DNAJC5B: variants seen among roughly 807,000 people sequenced by gnomAD.
DNAJC5B encodes the protein DnaJ heat shock protein family (Hsp40) member C5 beta.
DNAJC5B carries 23 observed loss-of-function variants against 24.7 expected under a neutral mutation model. The observed-to-expected ratio is 0.93, with a 90% CI of 0.67 to 1.32. The LOEUF (loss-of-function observed/expected upper bound fraction) is 1.32, where lower values mean the gene tolerates loss of function less well. Ranked by LOEUF, DNAJC5B falls within the 40% of genes most tolerant of loss-of-function variation. DNAJC5B has a pLI of 0.00. For missense variants in DNAJC5B, 238 were observed against 240.8 expected (o/e 0.99, Z 0.08); for synonymous variants, 101 against 90.1 (o/e 1.12, Z -0.68).
At chr8:66,023,102 C>T (rs147349148) in intron 1 of DNAJC5B, among the ~76,000 whole-genome samples, 6 of 152,304 alleles carry the variant, frequency 3.9e-5, no homozygotes, top group Non-Finnish European at 8.8e-5. Flanking sequence ...ATCATCCATT[C>T]CACAGCTTCG....
chr8:66,058,875 A>G (rs1807023435), intron 3 of DNAJC5B, among the ~76,000 whole-genome samples: 1 of 152,192 alleles, frequency 6.6e-6, no homozygotes, highest in Non-Finnish European at 1.5e-5. Context: ...TGCCTTATTG[A>G]CATTTTGTGA....
chr8:66,042,426 C>G (rs967251388), intron 1 of DNAJC5B, among the ~76,000 whole-genome samples: 1 of 152,104 alleles, frequency 6.6e-6, no homozygotes, highest in Non-Finnish European at 1.5e-5. Context: ...TCTTATTAGA[C>G]TAAATTTGAA....
intron 3 of DNAJC5B, among the ~76,000 whole-genome samples, chr8:66,073,892 T>TA (rs1807406409): frequency 6.6e-6 from 1 of 152,148 alleles, no homozygotes. Flanking sequence ...TATAGAGAGT[T>TA]TATAGAACAA....
chr8:66,079,584 G>T (rs1158347966), intron 4 of DNAJC5B, among the ~76,000 whole-genome samples: 2 of 152,190 alleles, frequency 1.3e-5, no homozygotes, highest in Non-Finnish European at 2.9e-5. Flanking sequence ...AGAGTTATAA[G>T]GCAATGAAAG....
chr8:66,072,054 TG>T (rs1169966891), intron 3 of DNAJC5B, among the ~76,000 whole-genome samples: 2 of 23,846 alleles, frequency 8.4e-5, no homozygotes, highest in Admixed American at 4.4e-4. Flanking sequence ...TGTCAGGGGG[TG>T]GGGGGGTAGG....
At chr8:66,036,321 C>T (rs1806483531) in intron 1 of DNAJC5B, among the ~76,000 whole-genome samples, 1 of 152,194 alleles carries the variant, frequency 6.6e-6, no homozygotes, top group Admixed American at 6.5e-5. Context: ...CTTGACCTAG[C>T]TGAACAGCGA....
chr8:66,090,121 C>G (rs763269514), intron 5 of DNAJC5B, among the ~76,000 whole-genome samples: 1 of 150,570 alleles, frequency 6.6e-6, no homozygotes, highest in African/African-American at 2.5e-5. Flanking sequence ...CACTTAGACC[C>G]TATACTCCTC....
intron 1 of DNAJC5B, among the ~76,000 whole-genome samples, chr8:66,035,714 C>A (rs1806468914): frequency 6.6e-6 from 1 of 152,182 alleles, no homozygotes; most frequent in Admixed American, 6.5e-5. Context: ...TGAGACATTC[C>A]TGTTGCTTTA....
Position 66,100,500 on chromosome 8 carries a change from T to G in DNAJC5B, c.*469T>G, listed in dbSNP as rs1345265899. ...TCTTCCGTGTCAATATTCAATAAAG[T>G]TATAGAAATGTTTCAAGAGCCAGAA... is the stretch of plus-strand genomic sequence containing the variant. On this transcript the variant is annotated 3_prime_UTR_variant, in exon 6 of 6. Coordinates refer to ENST00000276570, the MANE Select transcript of DNAJC5B (RefSeq NM_033105.6). 1 of 152,278 alleles carries G rather than the reference T, an allele frequency of 6.6e-6. No individual in the cohort carries two copies. Among genetic ancestry groups the G allele is most frequent in the Non-Finnish European group, 1.5e-5 (1 of 68,096 alleles). The allele number at this position is 152,278 out of a possible 1,614,324, so 9.4% of individuals were successfully genotyped here.
chr8:66,017,604 T>C (rs1183210371), upstream of DNAJC5B, among the ~76,000 whole-genome samples: 1 of 152,254 alleles, frequency 6.6e-6, no homozygotes, highest in Non-Finnish European at 1.5e-5. Context: ...TCTGAGTCAC[T>C]AGGCTTAATT....
chr8:66,060,733 C>T (rs1256251113), intron 3 of DNAJC5B, among the ~76,000 whole-genome samples: 2 of 152,174 alleles, frequency 1.3e-5, no homozygotes, highest in East Asian at 3.8e-4. Context: ...GAAGGCTGAT[C>T]AGAGCACGTA....
At chr8:66,059,446 C>T (rs1586088940) in intron 3 of DNAJC5B, among the ~76,000 whole-genome samples, 1 of 152,112 alleles carries the variant, frequency 6.6e-6, no homozygotes, top group Non-Finnish European at 1.5e-5. Context: ...GCTCCAAGAG[C>T]CAACAGGAAT....
At chr8:66,051,384 C>T (rs892107057) in intron 2 of DNAJC5B, 147 bp from the exon 3 acceptor site, 21 of 602,114 alleles carry the variant, frequency 3.5e-5, no homozygotes, top group Non-Finnish European at 5.3e-5. Context: ...TTTTGGCTCT[C>T]CTAACCCTTT....
rs367555846 is a variant in DNAJC5B at position 66,080,455 on chromosome 8, G to A, written c.412G>A (p.Gly138Arg). 11 of 1,614,052 alleles carry A rather than the reference G, an allele frequency of 6.8e-6. No homozygotes were observed. The Middle Eastern group carries it at 1.3e-3, about 194-fold the overall frequency. ...CLCCCCNCCC[G>R]HCRPESSVPE... ...GTGCTGCTGCTGCAACTGCTGCTGT[G>A]GACACTGCCGGCCCGAGTCATCAGT... The change falls in exon 5 of 6, where the codon GGA (glycine) becomes AGA (arginine). Residue 138 changes from glycine to arginine, a missense_variant. Gly to Arg is a moderately radical substitution (Grantham distance 125, BLOSUM62 -2). Coordinates refer to ENST00000276570, the MANE Select transcript of DNAJC5B (RefSeq NM_033105.6).
At chr8:66,067,002 T>TCTTTGGCTCATATGTGTAACAG (rs1807232664) in intron 3 of DNAJC5B, among the ~76,000 whole-genome samples, 2 of 152,130 alleles carry the variant, frequency 1.3e-5, no homozygotes, top group African/African-American at 4.8e-5. Flanking sequence ...ACAAAGGCTG[T>TCTTTGGCTCATATGTGTAACAG]CTTTGGCTCA....
intron 1 of DNAJC5B, among the ~76,000 whole-genome samples, chr8:66,042,683 T>C (rs1806638930): frequency 4.6e-5 from 6 of 129,504 alleles, no homozygotes; most frequent in African/African-American, 1.2e-4. Flanking sequence ...TTCTCCCTCT[T>C]CCCTCCTCTC....
At chr8:66,034,424 T>C (rs1487479551) in intron 1 of DNAJC5B, among the ~76,000 whole-genome samples, 3 of 151,806 alleles carry the variant, frequency 2.0e-5, no homozygotes, top group Non-Finnish European at 4.4e-5. Context: ...GTTAGGAGTA[T>C]TGACAAGGCA....
chr8:66,048,599 G>A (rs1005278292), intron 2 of DNAJC5B, among the ~76,000 whole-genome samples: 3 of 152,070 alleles, frequency 2.0e-5, no homozygotes, highest in Non-Finnish European at 2.9e-5. Context: ...CTCTGAGCTA[G>A]ATCCCAATCA....
intron 5 of DNAJC5B, among the ~76,000 whole-genome samples, chr8:66,098,123 G>A (rs1219940977): frequency 6.6e-6 from 1 of 152,084 alleles, no homozygotes; most frequent in East Asian, 1.9e-4. Context: ...CAAAGTGCTG[G>A]GATTACAGGC....
Sources: gnomAD v4.1 joint callset for allele counts (sites outside exome capture counted in the v4.1 genomes callset) on GRCh38, gnomAD v4.1.1 for gene constraint, MANE v1.5 for transcripts, NCBI Gene and HGNC (gene_info 2026-07-23, HGNC 2026-07-21) for gene names.